Variants in DENND1C observed in about 807,000 individuals in gnomAD.
DENND1C encodes the protein DENN domain-containing protein 1C.
Under a neutral mutation model 87.9 loss-of-function variants are expected in DENND1C, and 64 were observed. The ratio of observed to expected loss-of-function variants is 0.73; its 90% CI spans 0.60 to 0.90. The LOEUF is 0.90. Ranked by LOEUF, DENND1C falls within the 40% of genes least tolerant of loss-of-function variation. The pLI, the probability that DENND1C is intolerant of heterozygous loss-of-function variation, is 0.00. For missense variants in DENND1C, 980 were observed against 1,037.0 expected (o/e 0.95, Z 0.76); for synonymous variants, 384 against 424.4 (o/e 0.90, Z 1.17).
chr19:6,480,187 G>C, intron 1 of DENND1C, 136 bp from the exon 2 acceptor site: 1 of 1,488,854 alleles, frequency 6.7e-7, no homozygotes, highest in Non-Finnish European at 9.0e-7. Context: ...GGGGTTTGTG[G>C]CTGTGAGTGT....
In DENND1C at chr19:6,467,986, G is replaced by A. The variant is rs529995664; in HGVS notation, c.1924C>T (p.Leu642=). ...TCTTGGTCGGACTCTGAGGGTATCAGCTGGGACCTGGAGTCCTTTGAAGAG... is the reference window on the plus strand; with the variant it reads ...TCTTGGTCGGACTCTGAGGGTATCAACTGGGACCTGGAGTCCTTTGAAGAG... ...TSSSKDSRSQ[L]IPSESDQEVT... The change falls in exon 23 of 23, where the codon CTG becomes TTG. Residue 642 remains leucine, a synonymous_variant. Transcript: ENST00000381480. 38 of 1,613,896 alleles carry A rather than the reference G, an allele frequency of 2.4e-5. No homozygotes were observed. The South Asian group carries it at 4.0e-4, about 17-fold the overall frequency.
At chr19:6,476,076 C>T (rs45616634) in intron 10 of DENND1C, 139 bp from the exon 11 acceptor site, 18,064 of 814,766 alleles carry the variant, frequency 0.022, 262 homozygotes, top group Middle Eastern at 0.029. Flanking sequence ...ACTCGAACCC[C>T]TTTAGAAATC....
rs139392455 is a variant in DENND1C, at chr19:6,470,915, C to T, written c.1290+350G>A. Among the ~76,000 whole-genome samples the T allele has an allele frequency of 8.3e-3, 1,264 of 152,104 alleles. 8 individuals carry two copies. The highest frequency in any genetic ancestry group is 0.014 in the Non-Finnish European group (986 of 68,006). ...TCAGGCAATTCGCCTGCCTCAGCCT[C>T]CCAAAGTGCTGGGATTACAGGCATG... On this transcript the variant is annotated intron_variant, in intron 17 of 22. Transcript: ENST00000381480.
At chr19:6,472,785 C>T in intron 15 of DENND1C, 104 bp downstream of exon 15, 1 of 944,050 alleles carries the variant, frequency 1.1e-6, no homozygotes, top group Non-Finnish European at 1.5e-6. Context: ...GCTATACCCT[C>T]AGGGACCCAG....
chr19:6,479,599 G>C lies in DENND1C; in HGVS notation c.176+70C>G. On this transcript the variant is annotated intron_variant, in intron 4 of 22. Transcript: ENST00000381480. ...GGGTTTCCAGATGTCTGAGTCTCTA[G>C]GTGTTGAGTCCTTGGGGCCCCTGAG... 1.9e-6 allele frequency: 3 copies of C among 1,590,908 alleles called. No homozygotes were observed. The South Asian group carries it at 3.3e-5, about 18-fold the overall frequency.
At position 6,468,220 on chromosome 19, in the gene DENND1C, G is replaced by A. The variant is rs1300185223; in HGVS notation, c.1791+14C>T. On this transcript the variant is annotated intron_variant, in intron 22 of 22. Transcript: ENST00000381480. Reference sequence around the variant, plus strand: ...GACTTGGGGTAGGGTTGGGGGAGTGGGCGAGGCTCTCACCAGGCTGAAGCA... The same window carrying A: ...GACTTGGGGTAGGGTTGGGGGAGTGAGCGAGGCTCTCACCAGGCTGAAGCA... The A allele has an allele frequency of 6.2e-7, 1 of 1,613,090 alleles. No individual in the cohort carries two copies. The highest frequency in any genetic ancestry group is 1.1e-5 in the South Asian group (1 of 90,970).
chr19:6,477,409 G>C lies in DENND1C; in HGVS notation c.416C>G (p.Ser139Cys). Residue 139 changes from serine (S) to cysteine (C), a missense_variant, in exon 7 of 23, where the codon TCT becomes TGT. Ser to Cys is a moderately radical substitution (Grantham distance 112). Transcript: ENST00000381480. ...AAGCCCCACTGAGGCCTGGGGCCCA[G>C]ACAGGGACTGCTGAAACAGATTTTG... is the stretch of plus-strand genomic sequence containing the variant. Reference protein sequence around the residue: ...LLQNLFQQSLSGPQASVGLEL... With the variant: ...LLQNLFQQSLCGPQASVGLEL... 3.7e-6 allele frequency: 6 copies of C among 1,613,552 alleles called. No homozygotes were observed. Among genetic ancestry groups the C allele is most frequent in the Non-Finnish European group, 4.2e-6 (5 of 1,179,812 alleles).
chr19:6,479,538 G>A, intron 4 of DENND1C, 131 bp downstream of exon 4: 1 of 1,137,272 alleles, frequency 8.8e-7, no homozygotes, highest in Non-Finnish European at 1.3e-6. Context: ...GCCCCTGAGT[G>A]TCTGAGTCTC....
intron 19 of DENND1C, among the ~76,000 whole-genome samples, chr19:6,469,193 A>C (rs1399587052): frequency 6.6e-6 from 1 of 151,986 alleles, no homozygotes; most frequent in Non-Finnish European, 1.5e-5. Context: ...CACCATACCC[A>C]GCTAATTCTG....
intron 6 of DENND1C, among the ~76,000 whole-genome samples, chr19:6,477,891 A>G (rs1226127574): frequency 2.2e-5 from 3 of 136,094 alleles, no homozygotes; most frequent in Non-Finnish European, 4.8e-5. Flanking sequence ...TAGTGAAAAC[A>G]CGTCTCTGTT....
intron 9 of DENND1C, 50 bp downstream of exon 9, chr19:6,477,024 G>C: frequency 1.2e-6 from 2 of 1,613,344 alleles, no homozygotes; most frequent in Non-Finnish European, 1.7e-6. Flanking sequence ...TGCATCCCCG[G>C]TCCGGGTTTC....
At chr19:6,473,270 T>A (rs1046453750) in intron 14 of DENND1C, among the ~76,000 whole-genome samples, 13 of 152,136 alleles carry the variant, frequency 8.5e-5, no homozygotes, top group African/African-American at 2.7e-4. Context: ...TTCTCCTGCC[T>A]CAGCCTCTTG....
rs779715574 is a variant in DENND1C at position 6,468,816 on chromosome 19, G to A, written c.1515+30C>T. On this transcript the variant is annotated intron_variant, in intron 20 of 22. Coordinates refer to ENST00000381480, the MANE Select transcript of DENND1C (RefSeq NM_024898.4). ...GTAGAGGATTCAGTGATAATTCCAG[G>A]TGTGTGCATGGGGGGAGGGGCGCTC... The A allele has an allele frequency of 8.7e-6, 13 of 1,493,926 alleles. No individual in the cohort carries two copies. The Admixed American group carries it at 3.1e-4, about 35-fold the overall frequency. The allele number at this position is 1,493,926 out of a possible 1,614,324, so 92.5% of individuals were successfully genotyped here. A position where few individuals can be genotyped will look rare whatever the true frequency, so the allele number is the denominator to read the frequency against.
intron 17 of DENND1C, among the ~76,000 whole-genome samples, chr19:6,470,627 T>G (rs1353832377): frequency 6.8e-6 from 1 of 146,466 alleles, no homozygotes; most frequent in Non-Finnish European, 1.5e-5. Context: ...TTTGTTTTTT[T>G]TTTTTTTTTG....
At chr19:6,478,644 C>T (rs945417293) in intron 6 of DENND1C, 139 bp downstream of exon 6, 57 of 977,164 alleles carry the variant, frequency 5.8e-5, no homozygotes, top group Middle Eastern at 3.2e-4. Context: ...CCTCCCACCT[C>T]GGCCTCCCAA....
chr19:6,469,903 C>T (rs535995130), intron 18 of DENND1C: 31 of 515,500 alleles, frequency 6.0e-5, no homozygotes, highest in Non-Finnish European at 8.7e-5. Context: ...TGTTTCAAAG[C>T]GGTGAAGAAC....
chr19:6,473,077 G>T, intron 14 of DENND1C, 84 bp from the exon 15 acceptor site: 1 of 1,018,818 alleles, frequency 9.8e-7, no homozygotes, highest in Non-Finnish European at 1.3e-6. Flanking sequence ...AGCAAACATT[G>T]ATTAGGCACT....
chr19:6,473,099 T>C, intron 14 of DENND1C, 106 bp from the exon 15 acceptor site: 1 of 771,438 alleles, frequency 1.3e-6, no homozygotes, highest in Non-Finnish European at 1.9e-6. Context: ...GCTGTGTGTC[T>C]GATCCTGTGT....
At position 6,467,932 on chromosome 19, in the gene DENND1C, C is replaced by T. The variant is rs745500167; in HGVS notation, c.1978G>A (p.Ala660Thr). The change falls in exon 23 of 23, where the codon GCT becomes ACT. Residue 660 changes from alanine (A) to threonine (T), a missense_variant. Transcript: ENST00000381480. Reference protein sequence around the residue: ...EVTSPSQSSTASADPSIWGDP... With the variant: ...EVTSPSQSSTTSADPSIWGDP... ...CCCCAGATGCTTGGGTCTGCAGAAG[C>T]TGTTGAGGACTGGGATGGAGACGTG... is the stretch of plus-strand genomic sequence containing the variant. 4 of 1,613,810 alleles carry T rather than the reference C, an allele frequency of 2.5e-6. No homozygotes were observed. The highest frequency in any genetic ancestry group is 2.5e-6 in the Non-Finnish European group (3 of 1,179,826).
Sources: gnomAD v4.1 joint callset for allele counts (sites outside exome capture counted in the v4.1 genomes callset) on GRCh38, gnomAD v4.1.1 for gene constraint, MANE v1.5 for transcripts, NCBI Gene and HGNC (gene_info 2026-07-23, HGNC 2026-07-21) for gene names.